Variants in LHFPL3 observed in about 807,000 individuals in gnomAD.
LHFPL3 encodes the protein LHFPL tetraspan subfamily member 3, also known as LHFPL tetraspan subfamily member 3 protein.
Under a neutral mutation model 19.3 loss-of-function variants are expected in LHFPL3, and 5 were observed. The observed-to-expected ratio is 0.26, with a 90% CI of 0.14 to 0.54. The LOEUF (loss-of-function observed/expected upper bound fraction) is 0.54. Among genes scored for constraint, LHFPL3 ranks in the 20% least tolerant of loss-of-function variants. The pLI, the probability that LHFPL3 is intolerant of heterozygous loss-of-function variation, is 0.94. For missense variants in LHFPL3, 249 were observed against 307.4 expected, an observed-to-expected ratio of 0.81 and a Z score of 1.42; for synonymous variants, 133 against 126.2, an observed-to-expected ratio of 1.05 and a Z score of -0.36.
chr7:104,685,875 A>C (rs1234612103), intron 1 of LHFPL3, among the ~76,000 whole-genome samples: 1 of 152,220 alleles, frequency 6.6e-6, no homozygotes, highest in East Asian at 1.9e-4. Context: ...TTAGATGAGG[A>C]AGAATCAAAG....
chr7:104,660,619 C>T (rs1033899953), intron 1 of LHFPL3, among the ~76,000 whole-genome samples: 1 of 152,102 alleles, frequency 6.6e-6, no homozygotes, highest in Non-Finnish European at 1.5e-5. Context: ...TTCTATTTAC[C>T]TTCTACTGTG....
intron 1 of LHFPL3, among the ~76,000 whole-genome samples, chr7:104,707,726 A>G (rs1268800717): frequency 6.6e-6 from 1 of 152,168 alleles, no homozygotes; most frequent in Non-Finnish European, 1.5e-5. Flanking sequence ...ATCATATCCC[A>G]CTGATTGTAT....
At chr7:104,575,216 A>G (rs1007235486) in intron 1 of LHFPL3, among the ~76,000 whole-genome samples, 2 of 152,184 alleles carry the variant, frequency 1.3e-5, no homozygotes, top group Admixed American at 1.3e-4. Context: ...GACCCAATTA[A>G]CCACTGAACC....
At chr7:104,861,454 A>G (rs1791617533) in intron 2 of LHFPL3, among the ~76,000 whole-genome samples, 1 of 152,204 alleles carries the variant, frequency 6.6e-6, no homozygotes, top group African/African-American at 2.4e-5. Flanking sequence ...AGGGTAATTT[A>G]GGATAGTTGG....
chr7:104,461,936 GTT>G lies in LHFPL3; in HGVS notation c.445+132715_445+132716del, dbSNP rs144636498. Among the ~76,000 whole-genome samples, 829 of 152,190 alleles carry G rather than the reference GTT, an allele frequency of 5.4e-3. 48 individuals are homozygous for G. In the East Asian group the frequency reaches 0.13, roughly 24 times the overall value. On this transcript the variant is annotated intron_variant, in intron 1 of 2. Transcript: ENST00000424859. The stretch of plus-strand genomic sequence containing the variant: ...GTCATCTCTGATTTCTTTGAGGAGT[GTT>G]TTGTAATTCTCCTTGTAGAGATATT...
chr7:104,809,921 A>G (rs1790434022), intron 2 of LHFPL3, among the ~76,000 whole-genome samples: 1 of 152,254 alleles, frequency 6.6e-6, no homozygotes, highest in African/African-American at 2.4e-5. Context: ...TCTATAAGAA[A>G]GCAGTAGAAT....
intron 1 of LHFPL3, among the ~76,000 whole-genome samples, chr7:104,429,372 A>G (rs1046601147): frequency 9.2e-5 from 13 of 142,010 alleles, no homozygotes; most frequent in Non-Finnish European, 1.9e-4. Flanking sequence ...CAATGGTGCA[A>G]TCTTGGCTCA....
At chr7:104,596,827 C>T (rs1790871741) in intron 1 of LHFPL3, among the ~76,000 whole-genome samples, 1 of 152,204 alleles carries the variant, frequency 6.6e-6, no homozygotes, top group African/African-American at 2.4e-5. Context: ...ATTGCAGCGA[C>T]TAATGAGTTC....
chr7:104,714,045 C>T (rs1020511294), intron 1 of LHFPL3, among the ~76,000 whole-genome samples: 5 of 152,282 alleles, frequency 3.3e-5, no homozygotes, highest in East Asian at 1.9e-4. Context: ...GTTCTGATCA[C>T]GCATTGTTCT....
At chr7:104,683,026 G>A (rs1278313919) in intron 1 of LHFPL3, among the ~76,000 whole-genome samples, 1 of 152,134 alleles carries the variant, frequency 6.6e-6, no homozygotes, top group Non-Finnish European at 1.5e-5. Context: ...GTCTTGTTCT[G>A]TTGCCCAGGC....
rs890993747 is a variant in LHFPL3, at chr7:104,329,360, G to C, written c.445+136G>C. 6.8e-5 allele frequency: 80 copies of C among 1,180,576 alleles called. No individual in the cohort carries two copies. The South Asian group carries it at 9.9e-4, about 15-fold the overall frequency. The allele number at this position is 1,180,576 out of a possible 1,614,324, so 73.1% of individuals were successfully genotyped here. On this transcript the variant is annotated intron_variant, in intron 1 of 2. Transcript: ENST00000424859. The stretch of plus-strand genomic sequence containing the variant: ...CTAATCCGCTCAGGCGTCGAGGTGT[G>C]GGGGGCGGGAGCCCAGCGAGGCCGG...
intron 2 of LHFPL3, 47 bp from the exon 3 acceptor site, chr7:104,906,140 T>C: frequency 6.3e-7 from 1 of 1,582,178 alleles, no homozygotes; most frequent in Non-Finnish European, 8.6e-7. Flanking sequence ...GATGTATTTT[T>C]TCTCTCCCCC....
rs889089239 is a variant in LHFPL3 at position 104,824,955 on chromosome 7, T to C, written c.683-81232T>C. 5.5e-5 allele frequency among the ~76,000 whole-genome samples: 8 copies of C among 144,662 alleles called. No individual in the cohort carries two copies. In the East Asian group the frequency reaches 5.9e-4, roughly 11 times the overall value. 94.9% of individuals were successfully genotyped at this position (144,662 alleles called of 152,430 possible). On this transcript the variant is annotated intron_variant, in intron 2 of 2. Coordinates refer to ENST00000424859, the MANE Select transcript of LHFPL3 (RefSeq NM_199000.3). ...CTATATATATAATGTGTTTAGGAGCTTTGGAAGCCCAGGGCCCCAGCTTAT... is the reference window on the plus strand; with the variant it reads ...CTATATATATAATGTGTTTAGGAGCCTTGGAAGCCCAGGGCCCCAGCTTAT...
intron 1 of LHFPL3, among the ~76,000 whole-genome samples, chr7:104,463,262 C>A (rs1792711946): frequency 6.6e-6 from 1 of 151,930 alleles, no homozygotes; most frequent in African/African-American, 2.4e-5. Context: ...TTGGTTATTT[C>A]TTGTCTTCTG....
chr7:104,631,856 G>A (rs1489145470), intron 1 of LHFPL3, among the ~76,000 whole-genome samples: 2 of 152,132 alleles, frequency 1.3e-5, no homozygotes, highest in Admixed American at 1.3e-4. Flanking sequence ...GTTTTGTAGT[G>A]GAAGATGATT....
At chr7:104,538,258 G>A (rs1794423892) in intron 1 of LHFPL3, among the ~76,000 whole-genome samples, 1 of 152,172 alleles carries the variant, frequency 6.6e-6, no homozygotes, top group Admixed American at 6.5e-5. Flanking sequence ...TGAGAAATGT[G>A]TCCTTAGATT....
At chr7:104,531,164 C>T (rs1272741193) in intron 1 of LHFPL3, among the ~76,000 whole-genome samples, 1 of 152,108 alleles carries the variant, frequency 6.6e-6, no homozygotes, top group African/African-American at 2.4e-5. Context: ...ATTATTGCAT[C>T]TTTTCATTTG....
chr7:104,727,916 C>A (rs1171190584), intron 1 of LHFPL3, among the ~76,000 whole-genome samples: 3 of 151,942 alleles, frequency 2.0e-5, no homozygotes, highest in Non-Finnish European at 4.4e-5. Context: ...TCTTGTGTAA[C>A]CTGGATTAGA....
At chr7:104,334,844 A>G (rs1207974851) in intron 1 of LHFPL3, among the ~76,000 whole-genome samples, 1 of 152,172 alleles carries the variant, frequency 6.6e-6, no homozygotes, top group African/African-American at 2.4e-5. Flanking sequence ...AAAACCTCAT[A>G]TCATCCAAAA....
Sources: gnomAD v4.1 joint callset for allele counts (sites outside exome capture counted in the v4.1 genomes callset) on GRCh38, gnomAD v4.1.1 for gene constraint, MANE v1.5 for transcripts, NCBI Gene and HGNC (gene_info 2026-07-23, HGNC 2026-07-21) for gene names.